GPC3: variants seen among roughly 807,000 people sequenced by gnomAD.
GPC3 encodes glypican-3.
Under a neutral mutation model 34.4 loss-of-function variants are expected in GPC3, and 3 were observed. The ratio of observed to expected loss-of-function variants is 0.09; its 90% CI spans 0.04 to 0.23. The LOEUF is 0.23. Among genes scored for constraint, GPC3 ranks in the 10% least tolerant of loss-of-function variants. The pLI is 1.00. For missense variants in GPC3, 351 were observed against 445.6 expected, an observed-to-expected ratio of 0.79 and a Z score of 1.91; for synonymous variants, 177 against 174.0, an observed-to-expected ratio of 1.02 and a Z score of -0.13.
At chrX:133,982,443 C>T (rs1455545206) in intron 1 of GPC3, among the ~76,000 whole-genome samples, 2 of 111,890 alleles carry the variant, frequency 1.8e-5, no homozygotes, top group Non-Finnish European at 3.8e-5. Flanking sequence ...GTGACTTGAA[C>T]ACTCCAAAAG....
chrX:133,781,655 C>T (rs1356559596), intron 2 of GPC3, among the ~76,000 whole-genome samples: 1 of 111,669 alleles, frequency 9.0e-6, no homozygotes, highest in African/African-American at 3.3e-5. Flanking sequence ...TAGGTGTAAG[C>T]ATGCCTAGTG....
chrX:133,919,688 T>C (rs2076239136), intron 2 of GPC3, among the ~76,000 whole-genome samples: 1 of 109,908 alleles, frequency 9.1e-6, no homozygotes, highest in Admixed American at 9.8e-5. Context: ...TAGCCAAGCA[T>C]AGGTGGCTTG....
intron 6 of GPC3, among the ~76,000 whole-genome samples, chrX:133,655,494 ACACACACACACC>A (rs1569406918): frequency 9.2e-6 from 1 of 108,239 alleles, no homozygotes; most frequent in African/African-American, 3.4e-5. Flanking sequence ...ACACACACAC[ACACACACACACC>A]CACACACACA....
chrX:133,913,873 T>C (rs1324552820), intron 2 of GPC3, among the ~76,000 whole-genome samples: 1 of 107,527 alleles, frequency 9.3e-6, no homozygotes, highest in Non-Finnish European at 1.9e-5. Context: ...TCCCAGACTC[T>C]CCAAGAGTCT....
intron 3 of GPC3, among the ~76,000 whole-genome samples, chrX:133,744,195 G>A (rs2071590476): frequency 8.9e-6 from 1 of 112,061 alleles, no homozygotes; most frequent in Non-Finnish European, 1.9e-5. Flanking sequence ...CTTCTGCACA[G>A]CAAAAGAAAC....
intron 2 of GPC3, among the ~76,000 whole-genome samples, chrX:133,862,691 AAATAATAAT>A (rs770674766): frequency 1.9e-5 from 2 of 107,985 alleles, no homozygotes; most frequent in Admixed American, 9.9e-5. Flanking sequence ...CTCCATCTCA[AAATAATAAT>A]AATAATAATA....
chrX:133,935,156 T>C (rs1379915598), intron 2 of GPC3, among the ~76,000 whole-genome samples: 1 of 112,011 alleles, frequency 8.9e-6, no homozygotes, highest in Non-Finnish European at 1.9e-5. Flanking sequence ...CACTTAATTT[T>C]CTAATCTTGC....
chrX:133,788,120 A>ATATATATATATATATG (rs1345029532), intron 2 of GPC3, among the ~76,000 whole-genome samples: 4 of 81,819 alleles, frequency 4.9e-5, no homozygotes, highest in African/African-American at 1.6e-4. Flanking sequence ...ATATATATAT[A>ATATATATATATATATG]TATGTATGTA....
At chrX:133,723,860 T>C (rs184974495) in intron 3 of GPC3, among the ~76,000 whole-genome samples, 1 of 112,081 alleles carries the variant, frequency 8.9e-6, no homozygotes, top group East Asian at 2.8e-4. Context: ...GGTATTCCCT[T>C]ATAGCAATGC....
intron 1 of GPC3, among the ~76,000 whole-genome samples, chrX:133,977,867 C>A (rs2076523057): frequency 9.0e-6 from 1 of 111,432 alleles, no homozygotes; most frequent in Non-Finnish European, 1.9e-5. Context: ...CTCATGAGGC[C>A]CTTTATCCTA....
chrX:133,707,620 A>T (rs921540665), intron 3 of GPC3, among the ~76,000 whole-genome samples: 2 of 111,380 alleles, frequency 1.8e-5, no homozygotes, highest in Non-Finnish European at 3.8e-5. Flanking sequence ...GAATCATAAG[A>T]TGTAGAATAT....
intron 2 of GPC3, among the ~76,000 whole-genome samples, chrX:133,821,938 A>G (rs1444110328): frequency 8.9e-6 from 1 of 111,830 alleles, no homozygotes; most frequent in African/African-American, 3.3e-5. Context: ...CAGAAAACAG[A>G]TAACGGTATA....
At chrX:133,712,079 C>T (rs760230376) in intron 3 of GPC3, among the ~76,000 whole-genome samples, 1 of 112,171 alleles carries the variant, frequency 8.9e-6, no homozygotes, top group East Asian at 2.8e-4. Flanking sequence ...TTATTTGCAA[C>T]ATGTTTTTCT....
At chrX:133,646,124 G>A (rs1243173736) in intron 6 of GPC3, among the ~76,000 whole-genome samples, 1 of 109,125 alleles carries the variant, frequency 9.2e-6, no homozygotes, top group Non-Finnish European at 1.9e-5. Flanking sequence ...TAGAAGCCAA[G>A]GGCAGTGACT....
intron 2 of GPC3, among the ~76,000 whole-genome samples, chrX:133,795,899 ATC>A (rs758232573): frequency 7.4e-4 from 77 of 104,406 alleles, no homozygotes; most frequent in African/African-American, 2.5e-3. Context: ...ATTTAGATGT[ATC>A]TCTTTTAAAT....
chrX:133,804,813 T>C (rs775402879), intron 2 of GPC3, among the ~76,000 whole-genome samples: 2 of 111,189 alleles, frequency 1.8e-5, no homozygotes, highest in East Asian at 5.6e-4. Context: ...TAATGAATCC[T>C]AGGTGGTGGT....
At chrX:133,791,851 C>CCTT (rs2072166750) in intron 2 of GPC3, among the ~76,000 whole-genome samples, 2 of 83,708 alleles carry the variant, frequency 2.4e-5, no homozygotes, top group East Asian at 8.2e-4. Flanking sequence ...CTTCCTTCCT[C>CCTT]CCTCCCTCCC....
At chrX:133,802,250 G>A (rs2124520097) in intron 2 of GPC3, among the ~76,000 whole-genome samples, 2 of 111,439 alleles carry the variant, frequency 1.8e-5, no homozygotes, top group African/African-American at 6.5e-5. Context: ...TCTATCATGA[G>A]AGAAAAGTCA....
chrX:133,625,339 T>C (rs924378131), intron 6 of GPC3, among the ~76,000 whole-genome samples: 2 of 111,533 alleles, frequency 1.8e-5, no homozygotes, highest in African/African-American at 6.5e-5. Flanking sequence ...GAGAAAGAAG[T>C]AAAGGATATT....
Sources: allele counts gnomAD v4.1 joint callset (sites outside exome capture counted in the v4.1 genomes callset), GRCh38; gene constraint gnomAD v4.1.1; transcripts MANE v1.5; gene names NCBI Gene and HGNC (gene_info 2026-07-23, HGNC 2026-07-21).